Variants in AGAP3 observed in about 807,000 individuals in gnomAD.
The protein encoded by AGAP3 is arf-GAP with GTPase, ANK repeat and PH domain-containing protein 3.
A neutral mutation model predicts 96.9 loss-of-function variants in AGAP3; 24 were observed. That is an observed-to-expected ratio of 0.25 (90% CI 0.18 to 0.35). The LOEUF (loss-of-function observed/expected upper bound fraction) is 0.35, where lower values mean the gene tolerates loss of function less well. AGAP3 is among the 10% of genes least tolerant of loss of function. The pLI, the probability that AGAP3 is intolerant of heterozygous loss-of-function variation, is 1.00. For synonymous variants in AGAP3, 563 were observed against 536.1 expected, an observed-to-expected ratio of 1.05 and a Z score of -0.69; for missense variants, 876 against 1,254.2, an observed-to-expected ratio of 0.70 and a Z score of 4.55.
chr7:151,119,735 A>C (rs1380324654), intron 7 of AGAP3, among the ~76,000 whole-genome samples: 1 of 152,176 alleles, frequency 6.6e-6, no homozygotes, highest in Non-Finnish European at 1.5e-5. Context: ...GGTTGGCCAG[A>C]AGCACTCCTG....
chr7:151,124,878 G>A (rs1008007740), intron 9 of AGAP3, among the ~76,000 whole-genome samples: 116 of 152,324 alleles, frequency 7.6e-4, no homozygotes, highest in Middle Eastern at 3.4e-3. Flanking sequence ...GTCCCATGCC[G>A]TGATCCGTAT....
chr7:151,118,136 G>A lies in AGAP3; in HGVS notation c.707-74G>A, dbSNP rs1485579792. On this transcript the variant is annotated intron_variant, in intron 5 of 17. Transcript: ENST00000397238. This position sits in a 1 kb window ranked among gnomAD's most constrained non-coding sequence, Gnocchi z 6.1. ...CAGGCCCTTTGCACACCTGCCCTTGGGCCAAATGCCCCCCACCACACTACC... is the reference window on the plus strand; with the variant it reads ...CAGGCCCTTTGCACACCTGCCCTTGAGCCAAATGCCCCCCACCACACTACC... The A allele has an allele frequency of 6.5e-7, 1 of 1,539,014 alleles. No individual in the cohort carries two copies. The highest frequency in any genetic ancestry group is 1.9e-5 in the Admixed American group (1 of 51,718).
rs771808073 is a variant in AGAP3 at position 151,134,523 on chromosome 7, G to A, written c.1450G>A (p.Gly484Arg). The change falls in exon 11 of 18, where the codon GGG becomes AGG. Residue 484 changes from glycine (G) to arginine (R), a missense_variant. By Grantham distance (125) the Gly-to-Arg change is moderately radical. Transcript: ENST00000397238. ...CCCGGGCACCAGCCCCCGTGCCAAC[G>A]GGCTGTCCGTGGAGCGGAGTAACAC... ...TAPGTSPRAN[G>R]LSVERSNTQL... 2.0e-5 allele frequency: 33 copies of A among 1,612,980 alleles called. No individual in the cohort carries two copies. The highest frequency in any genetic ancestry group is 2.5e-5 in the Non-Finnish European group (29 of 1,179,932).
At chr7:151,134,690 A>G in intron 11 of AGAP3, 122 bp downstream of exon 11, 4 of 1,022,124 alleles carry the variant, frequency 3.9e-6, no homozygotes, top group Non-Finnish European at 5.7e-6. Flanking sequence ...TCACACTTCA[A>G]GGTCATCTCA....
At chr7:151,107,292 A>T (rs1447949294) in intron 1 of AGAP3, among the ~76,000 whole-genome samples, 2 of 151,154 alleles carry the variant, frequency 1.3e-5, no homozygotes, top group African/African-American at 4.9e-5. Flanking sequence ...CCTGGGCGAC[A>T]AGAGCAAGAC....
chr7:151,088,374 A>G (rs1295626742), intron 1 of AGAP3, among the ~76,000 whole-genome samples: 1 of 152,246 alleles, frequency 6.6e-6, no homozygotes, highest in African/African-American at 2.4e-5. Context: ...ATTAGGTGAC[A>G]GAAAAAACTC....
chr7:151,104,391 G>A (rs573396499), intron 1 of AGAP3, among the ~76,000 whole-genome samples: 23 of 152,274 alleles, frequency 1.5e-4, no homozygotes, highest in Non-Finnish European at 2.5e-4. Context: ...CACATGTGCC[G>A]GATACATGCT....
intron 8 of AGAP3, chr7:151,123,097 CGCCCGGCCCGGCT>C: frequency 1.7e-6 from 2 of 1,159,704 alleles, no homozygotes; most frequent in Non-Finnish European, 2.1e-6. Context: ...AGTCCAAGCC[CGCCCGGCCCGGCT>C]GCTCCTGGGG....
chr7:151,120,401 C>A, intron 8 of AGAP3: 1 of 670,714 alleles, frequency 1.5e-6, no homozygotes, highest in Non-Finnish European at 2.7e-6. Flanking sequence ...CCCTCTGCCG[C>A]ACACACTCAC....
Position 151,140,123 on chromosome 7 carries a change from GGGACCCAGAGGGAAACCGGGCACAGGA to G in AGAP3, c.1804+10_1804+36del. On this transcript the variant is annotated splice_region_variant and intron_variant, in intron 13 of 17. Coordinates refer to ENST00000397238, the MANE Select transcript of AGAP3 (RefSeq NM_031946.7). The surrounding 1 kb of genome is among the most constrained non-coding windows in gnomAD (Gnocchi z 5.4). ...CCCAGCAGTGCTACTGAAGGTTAGG[GGGACCCAGAGGGAAACCGGGCACAGGA>G]GGTGGGCAGTGGGACTTGGGGATAG... 6.4e-7 allele frequency: 1 copy of G among 1,572,232 alleles called. No homozygotes were observed.
Position 151,142,329 on chromosome 7 carries a change from G to C in AGAP3, c.2050+76G>C. Reference sequence around the variant, plus strand: ...TTCGCAAGCATCAGGGAGCAGGGAAGAGGGCAGGGAAGCCTTCCCTAGTTG... The same window carrying C: ...TTCGCAAGCATCAGGGAGCAGGGAACAGGGCAGGGAAGCCTTCCCTAGTTG... On this transcript the variant is annotated intron_variant, in intron 15 of 17. Transcript: ENST00000397238. The surrounding 1 kb of genome is among the most constrained non-coding windows in gnomAD (Gnocchi z 7.5). The C allele has an allele frequency of 6.3e-7, 1 of 1,597,410 alleles. No homozygotes were observed. The highest frequency in any genetic ancestry group is 8.6e-7 in the Non-Finnish European group (1 of 1,168,658).
At chr7:151,126,068 G>C (rs1316992954) in intron 9 of AGAP3, among the ~76,000 whole-genome samples, 2 of 148,548 alleles carry the variant, frequency 1.3e-5, no homozygotes, top group East Asian at 4.2e-4. Context: ...GTGGGGTGGG[G>C]CGGGGCTGAG....
intron 1 of AGAP3, among the ~76,000 whole-genome samples, chr7:151,111,276 G>T (rs1186304199): frequency 1.3e-5 from 2 of 152,200 alleles, no homozygotes; most frequent in African/African-American, 4.8e-5. Context: ...GAGGGCCACG[G>T]TGGTTCTGGG....
chr7:151,087,374 C>G (rs941167460), intron 1 of AGAP3, among the ~76,000 whole-genome samples: 12 of 152,252 alleles, frequency 7.9e-5, no homozygotes, highest in Non-Finnish European at 1.3e-4. Context: ...GTGGGCGCGG[C>G]AGAGGGCTTC....
Position 151,143,516 on chromosome 7 carries a change from TATGGGG to T in AGAP3, c.2451_2456del (p.Asp821_Gly822del). On this transcript the variant is annotated inframe_deletion, in exon 17 of 18. Coordinates refer to ENST00000397238, the MANE Select transcript of AGAP3 (RefSeq NM_031946.7). The surrounding 1 kb of genome is among the most constrained non-coding windows in gnomAD (Gnocchi z 5.9). ...CTCCAAAGAGGAGGTGAATGAGACC[TATGGGG>T]ACGGGGACGGGCGGACGGCTCTACA... 1 of 1,614,204 alleles carries T rather than the reference TATGGGG, an allele frequency of 6.2e-7. No individual in the cohort carries two copies. Among genetic ancestry groups the T allele is most frequent in the South Asian group, 1.1e-5 (1 of 91,084 alleles).
rs925785666 is a variant in AGAP3, at chr7:151,108,529, T to C, written c.332-8264T>C. Among the ~76,000 whole-genome samples, 1 of 152,134 alleles carries C rather than the reference T, an allele frequency of 6.6e-6. No individual in the cohort carries two copies. The highest frequency in any genetic ancestry group is 2.4e-5 in the African/African-American group (1 of 41,414). ...TCACTGGGGAGCTCTCAGACCGACATCCTGACCTCTGGAGATGGGGCAGAA... is the reference window on the plus strand; with the variant it reads ...TCACTGGGGAGCTCTCAGACCGACACCCTGACCTCTGGAGATGGGGCAGAA... On this transcript the variant is annotated intron_variant, in intron 1 of 17. Transcript: ENST00000397238. The surrounding 1 kb of genome is among the most constrained non-coding windows in gnomAD (Gnocchi z 4.2).
At chr7:151,122,417 T>G (rs1290531394) in intron 8 of AGAP3, among the ~76,000 whole-genome samples, 3 of 152,168 alleles carry the variant, frequency 2.0e-5, no homozygotes. Flanking sequence ...ACGGGAGGGA[T>G]GGGGCCTGGG....
At chr7:151,110,675 G>A (rs1023732437) in intron 1 of AGAP3, among the ~76,000 whole-genome samples, 6 of 151,750 alleles carry the variant, frequency 4.0e-5, no homozygotes, top group Admixed American at 1.3e-4. Flanking sequence ...GAGACCCCTA[G>A]GAAGCTGATG....
chr7:151,114,805 C>T lies in AGAP3; in HGVS notation c.332-1988C>T. The T allele has an allele frequency of 9.5e-7, 1 of 1,055,602 alleles. No homozygotes were observed. Among genetic ancestry groups the T allele is most frequent in the Non-Finnish European group, 1.1e-6 (1 of 876,618 alleles). 65.4% of individuals were successfully genotyped at this position (1,055,602 alleles called of 1,614,324 possible). On this transcript the variant is annotated intron_variant, in intron 1 of 17. Transcript: ENST00000397238. The surrounding 1 kb of genome is among the most constrained non-coding windows in gnomAD (Gnocchi z 4.4). The stretch of plus-strand genomic sequence containing the variant: ...GGCTGGCCGCAGGGGGACAGCTGTC[C>T]CGGGGAGCGGCCCGCCGCTTGCCGC...
Sources: allele counts gnomAD v4.1 joint callset (sites outside exome capture counted in the v4.1 genomes callset), GRCh38; gene constraint gnomAD v4.1.1; non-coding constraint Gnocchi (gnomAD v3.1); transcripts MANE v1.5; gene names NCBI Gene and HGNC (gene_info 2026-07-23, HGNC 2026-07-21).